Variants in RAB28 observed in about 807,000 individuals in gnomAD.
RAB28 encodes the protein RAB28, member RAS oncogene family.
RAB28 carries 24 observed loss-of-function variants against 31.7 expected under a neutral mutation model. The ratio of observed to expected loss-of-function variants is 0.76; its 90% CI spans 0.55 to 1.06. The LOEUF (loss-of-function observed/expected upper bound fraction) is 1.06. Ranked by LOEUF, RAB28 falls within the 50% of genes least tolerant of loss-of-function variation. The pLI, the probability that RAB28 is intolerant of heterozygous loss-of-function variation, is 0.00. For synonymous variants in RAB28, 100 were observed against 90.4 expected (o/e 1.11, Z -0.60); for missense variants, 254 against 258.5 (o/e 0.98, Z 0.12).
At chr4:13,411,367 A>G (rs1474960342) in intron 4 of RAB28, among the ~76,000 whole-genome samples, 1 of 152,226 alleles carries the variant, frequency 6.6e-6, no homozygotes, top group Non-Finnish European at 1.5e-5. Flanking sequence ...AAGTTCATTG[A>G]ATGCAAGCAA....
At chr4:13,453,247 G>C (rs1342160513) in intron 4 of RAB28, among the ~76,000 whole-genome samples, 3 of 152,094 alleles carry the variant, frequency 2.0e-5, no homozygotes, top group Non-Finnish European at 4.4e-5. Flanking sequence ...TTTTAAATAA[G>C]AAATGTAATT....
chr4:13,390,813 C>T (rs868518652), intron 4 of RAB28, among the ~76,000 whole-genome samples: 88 of 152,226 alleles, frequency 5.8e-4, no homozygotes, highest in African/African-American at 2.0e-3. Context: ...GAAAGGATTC[C>T]CTATTTAATA....
chr4:13,411,857 T>C (rs1037919647), intron 4 of RAB28, among the ~76,000 whole-genome samples: 3 of 151,758 alleles, frequency 2.0e-5, no homozygotes, highest in Admixed American at 6.6e-5. Context: ...AGATCAAATA[T>C]ACCATGATCT....
At chr4:13,440,339 G>T (rs768604144) in intron 4 of RAB28, among the ~76,000 whole-genome samples, 3 of 151,364 alleles carry the variant, frequency 2.0e-5, no homozygotes, top group African/African-American at 4.9e-5. Context: ...AGAAGTATGA[G>T]GATAGAAAAA....
intron 1 of RAB28, among the ~76,000 whole-genome samples, chr4:13,481,369 T>C (rs779393447): frequency 6.6e-5 from 10 of 151,990 alleles, no homozygotes; most frequent in Non-Finnish European, 1.3e-4. Flanking sequence ...ACTGAATCAG[T>C]GGGGGTCACT....
At chr4:13,374,717 T>C (rs1728853291) in intron 6 of RAB28, among the ~76,000 whole-genome samples, 5 of 152,126 alleles carry the variant, frequency 3.3e-5, no homozygotes, top group African/African-American at 9.7e-5. Context: ...AACCTTTCCA[T>C]TCCATCTTGA....
chr4:13,456,470 T>A (rs1028411588), intron 4 of RAB28, among the ~76,000 whole-genome samples: 1 of 152,202 alleles, frequency 6.6e-6, no homozygotes, highest in African/African-American at 2.4e-5. Context: ...TCTCATTTAA[T>A]CTTTAAATCA....
At chr4:13,445,212 G>A (rs1049066968) in intron 4 of RAB28, among the ~76,000 whole-genome samples, 1 of 151,734 alleles carries the variant, frequency 6.6e-6, no homozygotes, top group African/African-American at 2.4e-5. Context: ...CTCATGCTGT[G>A]TTTTTCAGCT....
intron 3 of RAB28, among the ~76,000 whole-genome samples, chr4:13,471,592 C>G (rs1716125334): frequency 6.6e-6 from 1 of 152,084 alleles, no homozygotes; most frequent in East Asian, 1.9e-4. Flanking sequence ...GCCCCAAACT[C>G]CTGGACTCAC....
intron 4 of RAB28, among the ~76,000 whole-genome samples, chr4:13,443,805 A>C (rs35488653): frequency 0.056 from 8,520 of 152,144 alleles, 542 homozygotes; most frequent in African/African-American, 0.16. Context: ...ATCCTAAGTG[A>C]TACTTTGTAC....
At chr4:13,482,153 T>C (rs1269970831) in intron 1 of RAB28, among the ~76,000 whole-genome samples, 1 of 152,152 alleles carries the variant, frequency 6.6e-6, no homozygotes, top group Non-Finnish European at 1.5e-5. Flanking sequence ...AGCAGAATGA[T>C]AATACTAATT....
chr4:13,463,001 G>A (rs564362673), intron 3 of RAB28, among the ~76,000 whole-genome samples: 2 of 152,068 alleles, frequency 1.3e-5, no homozygotes, highest in Non-Finnish European at 2.9e-5. Flanking sequence ...TTGATCTTGG[G>A]CAACATTCGT....
At chr4:13,483,985 G>T (rs1716743061) in intron 1 of RAB28, 91 bp downstream of exon 1, 1 of 1,252,056 alleles carries the variant, frequency 8.0e-7, no homozygotes, top group South Asian at 1.3e-5. Flanking sequence ...GAGGGCTCGG[G>T]GTAACGAGGC....
Position 13,368,183 on chromosome 4 carries a change from GA to G in RAB28, c.*374del, listed in dbSNP as rs1553864443. ...CACATACAAGTTCCGATAAGAGAAT[GA>G]AATTGCTGTGGCAAAATCCTGGCTG... is the stretch of plus-strand genomic sequence containing the variant. On this transcript the variant is annotated 3_prime_UTR_variant, in exon 7 of 7. Transcript: ENST00000330852. The G allele has an allele frequency of 1.0e-6, 1 of 990,092 alleles. No homozygotes were observed. Among genetic ancestry groups the G allele is most frequent in the Non-Finnish European group, 1.2e-6 (1 of 833,210 alleles). The allele number at this position is 990,092 out of a possible 1,614,324, so 61.3% of individuals were successfully genotyped here. A position where few individuals can be genotyped will look rare whatever the true frequency, so the allele number is the denominator to read the frequency against.
chr4:13,386,385 C>A (rs13102013), intron 4 of RAB28, among the ~76,000 whole-genome samples: 9 of 151,714 alleles, frequency 5.9e-5, no homozygotes, highest in Non-Finnish European at 1.2e-4. Flanking sequence ...TATCAAACAT[C>A]TATAAGGTAT....
rs1191925852 is a variant in RAB28 at position 13,479,528 on chromosome 4, T to TA, written c.76-3dup. On this transcript the variant is annotated splice_polypyrimidine_tract_variant and splice_region_variant and intron_variant, in intron 1 of 6. Transcript: ENST00000330852. ...AGCAAAACACGTAGTTAAGGAGGTC[T>TA]AAAAAATTGATGCACAGAATGTCAA... 6 of 1,574,120 alleles carry TA rather than the reference T, an allele frequency of 3.8e-6. No individual in the cohort carries two copies. Among genetic ancestry groups the TA allele is most frequent in the South Asian group, 1.1e-5 (1 of 89,428 alleles).
At chr4:13,470,381 A>G (rs983002574) in intron 3 of RAB28, among the ~76,000 whole-genome samples, 1 of 152,062 alleles carries the variant, frequency 6.6e-6, no homozygotes, top group Non-Finnish European at 1.5e-5. Context: ...AAGAGAGCAG[A>G]AGGTCTTGGA....
At chr4:13,414,727 A>C (rs1712647257) in intron 4 of RAB28, among the ~76,000 whole-genome samples, 1 of 152,230 alleles carries the variant, frequency 6.6e-6, no homozygotes, top group African/African-American at 2.4e-5. Context: ...ATATAAAAGA[A>C]AATATGCTGT....
chr4:13,416,129 G>C (rs545160908), intron 4 of RAB28, among the ~76,000 whole-genome samples: 1 of 152,156 alleles, frequency 6.6e-6, no homozygotes, highest in African/African-American at 2.4e-5. Flanking sequence ...ATGTGGGTGG[G>C]GCCAGATAAG....
Sources: gnomAD v4.1 joint callset for allele counts (sites outside exome capture counted in the v4.1 genomes callset) on GRCh38, gnomAD v4.1.1 for gene constraint, MANE v1.5 for transcripts, NCBI Gene and HGNC (gene_info 2026-07-23, HGNC 2026-07-21) for gene names.